CTNNA1: variants seen among roughly 807,000 people sequenced by gnomAD.
CTNNA1 encodes catenin alpha 1.
CTNNA1 carries 37 observed loss-of-function variants against 98.4 expected under a neutral mutation model. The ratio of observed to expected loss-of-function variants is 0.38; its 90% CI spans 0.29 to 0.49. CTNNA1 has a LOEUF of 0.49. Ranked by LOEUF, CTNNA1 falls within the 20% of genes least tolerant of loss-of-function variation. CTNNA1 has a pLI of 0.95. For synonymous variants in CTNNA1, 404 were observed against 413.2 expected, an observed-to-expected ratio of 0.98 and a Z score of 0.27; for missense variants, 761 against 1,147.2, an observed-to-expected ratio of 0.66 and a Z score of 4.86.
intron 5 of CTNNA1, among the ~76,000 whole-genome samples, chr5:138,815,216 C>G (rs921350625): frequency 6.6e-6 from 1 of 151,590 alleles, no homozygotes; most frequent in African/African-American, 2.4e-5. Flanking sequence ...GTATTTTTTT[C>G]ATGTGTTTTT....
intron 6 of CTNNA1, 72 bp from the exon 7 acceptor site, chr5:138,827,443 A>G: frequency 1.3e-6 from 2 of 1,529,910 alleles, no homozygotes; most frequent in Non-Finnish European, 1.8e-6. Flanking sequence ...TATTACTAAT[A>G]ACACTTTTCT....
intron 1 of CTNNA1, chr5:138,761,924 T>G (rs1476832895): frequency 6.6e-6 from 1 of 152,100 alleles, no homozygotes; most frequent in Non-Finnish European, 1.5e-5. Context: ...CCTGGCTAAT[T>G]TTTGTGTTTT....
chr5:138,789,669 GC>G (rs1438933466), intron 3 of CTNNA1, among the ~76,000 whole-genome samples: 36 of 152,280 alleles, frequency 2.4e-4, no homozygotes, highest in South Asian at 6.2e-4. Context: ...TATTGGCCAG[GC>G]TGGTCTCAAA....
intron 1 of CTNNA1, among the ~76,000 whole-genome samples, chr5:138,772,899 TATA>T (rs1753705339): frequency 7.8e-6 from 1 of 128,406 alleles, no homozygotes; most frequent in South Asian, 2.9e-4. Context: ...TCTTTCATTT[TATA>T]GATAGATGAA....
intron 1 of CTNNA1, among the ~76,000 whole-genome samples, chr5:138,771,127 T>A (rs984803790): frequency 2.0e-5 from 3 of 152,052 alleles, no homozygotes; most frequent in Non-Finnish European, 2.9e-5. Context: ...AGGGTTCTTT[T>A]TTTCTTGTTG....
At chr5:138,838,882 C>T (rs1443957120) in intron 7 of CTNNA1, among the ~76,000 whole-genome samples, 2 of 152,118 alleles carry the variant, frequency 1.3e-5, no homozygotes, top group Non-Finnish European at 2.9e-5. Context: ...CCTCCCACCT[C>T]GGCCTCCCAA....
At position 138,826,783 on chromosome 5, in the gene CTNNA1, T is replaced by C. The variant is rs1274379104; in HGVS notation, c.859-732T>C. Among the ~76,000 whole-genome samples, 5 of 152,324 alleles carry C rather than the reference T, an allele frequency of 3.3e-5. No individual in the cohort carries two copies. The East Asian group carries it at 9.6e-4, about 29-fold the overall frequency. On this transcript the variant is annotated intron_variant, in intron 6 of 17. Transcript: ENST00000302763. ...TGAAACTTTAAGGTTAGAGATCAGT[T>C]TGTATGTGTGCGCACACGTGTATAT...
intron 11 of CTNNA1, 39 bp from the exon 12 acceptor site, chr5:138,924,469 GAA>G (rs757909780): frequency 6.2e-7 from 1 of 1,603,926 alleles, no homozygotes. Context: ...CCTTTTCATA[GAA>G]AGCCTCCTTC....
chr5:138,830,960 A>G (rs1163966887), intron 7 of CTNNA1, among the ~76,000 whole-genome samples: 6 of 152,228 alleles, frequency 3.9e-5, no homozygotes. Flanking sequence ...TGATTTTAAA[A>G]AAATGGTTCA....
intron 1 of CTNNA1, among the ~76,000 whole-genome samples, chr5:138,770,179 G>T (rs1156364654): frequency 6.6e-6 from 1 of 152,222 alleles, no homozygotes; most frequent in East Asian, 1.9e-4. Context: ...AAGGAAGTCA[G>T]TTCGGTCCAA....
chr5:138,753,745 G>A (rs1475251163), intron 1 of CTNNA1: 12 of 303,968 alleles, frequency 3.9e-5, no homozygotes, highest in Non-Finnish European at 6.6e-5. Context: ...GGCACGGCCG[G>A]CGCTTCCCAG....
chr5:138,789,175 T>C (rs942412439), intron 3 of CTNNA1, among the ~76,000 whole-genome samples: 8 of 51,842 alleles, frequency 1.5e-4, no homozygotes, highest in African/African-American at 1.2e-3. Context: ...TAGGAGGCTG[T>C]TTTTCCTGTT....
chr5:138,892,008 C>G (rs565650045), intron 9 of CTNNA1, among the ~76,000 whole-genome samples: 2 of 152,330 alleles, frequency 1.3e-5, no homozygotes, highest in South Asian at 2.1e-4. Context: ...CTGTTTGTCT[C>G]TTATCTACCT....
chr5:138,893,200 A>C (rs1218870203), intron 9 of CTNNA1, among the ~76,000 whole-genome samples: 1 of 152,122 alleles, frequency 6.6e-6, no homozygotes, highest in African/African-American at 2.4e-5. Flanking sequence ...GGATGAGGGT[A>C]GAGCAGTGGA....
intron 11 of CTNNA1, among the ~76,000 whole-genome samples, chr5:138,920,867 A>G (rs1762784970): frequency 6.6e-6 from 1 of 152,098 alleles, no homozygotes; most frequent in South Asian, 2.1e-4. Context: ...TCATGTCCTG[A>G]TTTGTGGCTC....
chr5:138,912,277 TTTC>T (rs1188202813), intron 10 of CTNNA1, among the ~76,000 whole-genome samples: 3 of 149,866 alleles, frequency 2.0e-5, no homozygotes, highest in Non-Finnish European at 3.0e-5. Context: ...AGCGGGGGAG[TTTC>T]TAGGAAAAGA....
intron 9 of CTNNA1, among the ~76,000 whole-genome samples, chr5:138,889,347 C>G (rs1754829171): frequency 6.6e-6 from 1 of 152,158 alleles, no homozygotes; most frequent in Non-Finnish European, 1.5e-5. Flanking sequence ...TGAGCACCTA[C>G]TGTGTATCAG....
intron 1 of CTNNA1, among the ~76,000 whole-genome samples, chr5:138,769,188 G>A (rs1753256823): frequency 6.6e-6 from 1 of 151,714 alleles, no homozygotes. Flanking sequence ...CACTGAGCCT[G>A]GCTCCTTCTT....
intron 7 of CTNNA1, among the ~76,000 whole-genome samples, chr5:138,883,553 C>G (rs1753403721): frequency 6.6e-6 from 1 of 152,116 alleles, no homozygotes; most frequent in African/African-American, 2.4e-5. Context: ...AAGTCAAATT[C>G]AAGGATTTGG....
Sources: allele counts gnomAD v4.1 joint callset (sites outside exome capture counted in the v4.1 genomes callset), GRCh38; gene constraint gnomAD v4.1.1; transcripts MANE v1.5; gene names NCBI Gene and HGNC (gene_info 2026-07-23, HGNC 2026-07-21).